TDRD6: variants seen among roughly 807,000 people sequenced by gnomAD.
TDRD6 encodes the protein tudor domain containing 6.
TDRD6 carries 186 observed loss-of-function variants against 157.5 expected under a neutral mutation model. The ratio of observed to expected loss-of-function variants is 1.18; its 90% CI spans 1.05 to 1.33. The LOEUF (loss-of-function observed/expected upper bound fraction) is 1.33, where lower values mean the gene tolerates loss of function less well. Ranked by LOEUF, TDRD6 falls within the 40% of genes most tolerant of loss-of-function variation. The probability of loss-of-function intolerance (pLI) is 0.00; values close to 1 mark genes in which losing one functional copy is unlikely to be tolerated. For missense variants in TDRD6, 3,066 were observed against 2,508.0 expected (o/e 1.22, Z -4.75); for synonymous variants, 1,075 against 945.2 (o/e 1.14, Z -2.52).
Position 46,692,125 on chromosome 6 carries a change from C to T in TDRD6, c.3997C>T (p.His1333Tyr), listed in dbSNP as rs1292968265. 6.2e-7 allele frequency: 1 copy of T among 1,613,426 alleles called. No individual in the cohort carries two copies. Among genetic ancestry groups the T allele is most frequent in the East Asian group, 2.2e-5 (1 of 44,854 alleles). Residue 1333 changes from histidine (H) to tyrosine (Y), a missense_variant, in exon 1 of 4, where the codon CAT becomes TAT. By Grantham distance (83) the His-to-Tyr change is moderately conservative. Coordinates refer to ENST00000316081, the MANE Select transcript of TDRD6 (RefSeq NM_001010870.3). ...QLIEDEAEIS[H>Y]LSERLNSVKT... ...AATAGAAGATGAAGCTGAAATTAGT[C>T]ATCTTTCAGAGAGATTAAACAGTGT...
Position 46,690,519 on chromosome 6 carries a change from A to G in TDRD6, c.2391A>G (p.Gly797=), listed in dbSNP as rs138848441. The G allele has an allele frequency of 2.5e-6, 4 of 1,614,184 alleles. No individual in the cohort carries two copies. The highest frequency in any genetic ancestry group is 4.5e-5 in the East Asian group (2 of 44,876). The change falls in exon 1 of 4, where the codon GGA becomes GGG. Residue 797 remains glycine (G), a synonymous_variant. Coordinates refer to ENST00000316081, the MANE Select transcript of TDRD6 (RefSeq NM_001010870.3). ...FWCQLTRNIQ[G]LKTLMSDIQY... Reference sequence around the variant, plus strand: ...GTCAGCTGACCAGGAACATACAAGGACTTAAAACTCTAATGTCTGATATTC... The same window carrying G: ...GTCAGCTGACCAGGAACATACAAGGGCTTAAAACTCTAATGTCTGATATTC...
chr6:46,701,762 G>A (rs1483181699), intron 3 of TDRD6, 96 bp from the exon 4 acceptor site: 20 of 1,221,804 alleles, frequency 1.6e-5, no homozygotes, highest in Non-Finnish European at 2.3e-5. Context: ...CTCCCTTTTA[G>A]AGAACATTAC....
chr6:46,687,940 G>C lies in TDRD6; in HGVS notation c.-189G>C. 2 of 892,466 alleles carry C rather than the reference G, an allele frequency of 2.2e-6. No homozygotes were observed. The highest frequency in any genetic ancestry group is 3.3e-5 in the East Asian group (1 of 30,274). 55.3% of individuals were successfully genotyped at this position (892,466 alleles called of 1,614,324 possible). A position where few individuals can be genotyped will look rare whatever the true frequency, so the allele number is the denominator to read the frequency against. On this transcript the variant is annotated 5_prime_UTR_variant, in exon 1 of 4. Transcript: ENST00000316081. ...AGGGGCTACCGGGTCTTACCAGTCC[G>C]TGGCGGGAGTCCCGGAGGACCCTCG...
rs766591313 is a variant in TDRD6, at chr6:46,689,407, G to A, written c.1279G>A (p.Asp427Asn). 19 of 1,613,708 alleles carry A rather than the reference G, an allele frequency of 1.2e-5. No homozygotes were observed. The highest frequency in any genetic ancestry group is 1.5e-5 in the Non-Finnish European group (18 of 1,180,026). ...HVYYVSLYGE[D>N]GINLNRVFGV... ...GTATTATGTCAGCCTGTATGGAGAAGATGGGATTAATCTGAACCGTGTGTT... is the reference window on the plus strand; with the variant it reads ...GTATTATGTCAGCCTGTATGGAGAAAATGGGATTAATCTGAACCGTGTGTT... Residue 427 changes from aspartate (D) to asparagine (N), a missense_variant, in exon 1 of 4, where the codon GAT becomes AAT. Transcript: ENST00000316081.
In TDRD6 at chr6:46,689,611, TTTG is replaced by T. The variant is rs749013733; in HGVS notation, c.1486_1488del (p.Val496del). ...TGCCTTCTACGATGCGCAGGTAGAGTTTGTTAAAAATCCTTCTGAGTTTTGGAT... is the reference window on the plus strand; with the variant it reads ...TGCCTTCTACGATGCGCAGGTAGAGTTTAAAAATCCTTCTGAGTTTTGGAT... On this transcript the variant is annotated inframe_deletion, in exon 1 of 4. Coordinates refer to ENST00000316081, the MANE Select transcript of TDRD6 (RefSeq NM_001010870.3). The T allele has an allele frequency of 3.7e-6, 6 of 1,613,808 alleles. No homozygotes were observed. Among genetic ancestry groups the T allele is most frequent in the Non-Finnish European group, 5.1e-6 (6 of 1,179,988 alleles).
chr6:46,687,895 G>A lies in TDRD6; in HGVS notation c.-234G>A, dbSNP rs1276553544. On this transcript the variant is annotated 5_prime_UTR_variant, in exon 1 of 4. Coordinates refer to ENST00000316081, the MANE Select transcript of TDRD6 (RefSeq NM_001010870.3). ...GAGTGAGGTAAATGCGTGCCCGGAA[G>A]CGCGACCTCGGGCGGTTGGAGGGGC... The A allele has an allele frequency of 9.1e-6, 5 of 550,962 alleles. No individual in the cohort carries two copies. Among genetic ancestry groups the A allele is most frequent in the African/African-American group, 4.0e-5 (2 of 49,660 alleles). The allele number at this position is 550,962 out of a possible 1,614,324, so 34.1% of individuals were successfully genotyped here. A position where few individuals can be genotyped will look rare whatever the true frequency, so the allele number is the denominator to read the frequency against.
At position 46,693,382 on chromosome 6, in the gene TDRD6, G is replaced by T; in HGVS notation, c.5254G>T (p.Glu1752Ter). 6.2e-7 allele frequency: 1 copy of T among 1,612,468 alleles called. No homozygotes were observed. The highest frequency in any genetic ancestry group is 8.5e-7 in the Non-Finnish European group (1 of 1,179,648). ...GGAACAACAGACAGATGAGCTTGCT[G>T]AAATAACTGAAAAAGATGTAAACAT... ...YMEQQTDELA[E>*]ITEKDVNIIG... is the part of the protein sequence containing the mutation. Residue 1752 changes from glutamate (E) to a stop codon, truncating the protein, a stop_gained, in exon 1 of 4, where the codon GAA (glutamate) becomes TAA (stop). Coordinates refer to ENST00000316081, the MANE Select transcript of TDRD6 (RefSeq NM_001010870.3). LOFTEE classifies it high-confidence loss of function.
At chr6:46,701,241 C>G (rs1276349775) in intron 3 of TDRD6, among the ~76,000 whole-genome samples, 1 of 151,696 alleles carries the variant, frequency 6.6e-6, no homozygotes, top group African/African-American at 2.4e-5. Flanking sequence ...GATAAATAAC[C>G]CAAGATGAGG....
At chr6:46,695,759 G>T in intron 1 of TDRD6, 62 bp from the exon 2 acceptor site, 2 of 1,533,386 alleles carry the variant, frequency 1.3e-6, no homozygotes, top group Non-Finnish European at 1.8e-6. Flanking sequence ...TGCTTTGCTT[G>T]TGTATGTTAC....
Position 46,693,175 on chromosome 6 carries a change from G to T in TDRD6, c.5047G>T (p.Asp1683Tyr). ...TTGTGATATCCCTTTAGCAATTGTT[G>T]ACTTGAAAAGCAAAGGTAAAAGTAT... ...DVCDIPLAIV[D>Y]LKSKGKSINE... is the part of the protein sequence containing the mutation. The change falls in exon 1 of 4, where the codon GAC (aspartate) becomes TAC (tyrosine). Residue 1683 changes from aspartate (D) to tyrosine (Y), a missense_variant. Physicochemically the swap from Asp to Tyr is radical, Grantham distance 160. Transcript: ENST00000316081. 1 of 1,608,722 alleles carries T rather than the reference G, an allele frequency of 6.2e-7. No individual in the cohort carries two copies. Among genetic ancestry groups the T allele is most frequent in the South Asian group, 1.1e-5 (1 of 90,182 alleles).
In TDRD6 at chr6:46,688,746, T is replaced by G. The variant is rs774401993; in HGVS notation, c.618T>G (p.Arg206=). The change falls in exon 1 of 4, where the codon CGT becomes CGG. Residue 206 remains arginine (R), a synonymous_variant. Transcript: ENST00000316081. ...LARRVPDSLF[R]SLLERYLTAA... ...GGCGGGTGCCCGACAGCCTCTTCCG[T>G]TCGCTGCTGGAGCGCTATCTCACAG... 4.4e-6 allele frequency: 7 copies of G among 1,601,862 alleles called. No homozygotes were observed. The South Asian group carries it at 7.7e-5, about 18-fold the overall frequency.
chr6:46,689,482 A>G lies in TDRD6; in HGVS notation c.1354A>G (p.Thr452Ala), dbSNP rs776690299. ...LADRVLQSQA[T>A]EEEEPETSQS... The stretch of plus-strand genomic sequence containing the variant: ...TGACCGAGTCCTTCAGAGCCAGGCA[A>G]CAGAGGAGGAGGAACCAGAAACATC... Residue 452 changes from threonine (T) to alanine (A), a missense_variant, in exon 1 of 4, where the codon ACA becomes GCA. Coordinates refer to ENST00000316081, the MANE Select transcript of TDRD6 (RefSeq NM_001010870.3). The G allele has an allele frequency of 8.1e-6, 13 of 1,613,644 alleles. No individual in the cohort carries two copies. In the Admixed American group the frequency reaches 1.3e-4, roughly 17 times the overall value.
chr6:46,697,911 A>G (rs1040233034), intron 2 of TDRD6, 87 bp from the exon 3 acceptor site: 1 of 666,996 alleles, frequency 1.5e-6, no homozygotes, highest in Admixed American at 2.5e-5. Flanking sequence ...TAATAATAGT[A>G]TTTCATTTTT....
At chr6:46,686,833 A>G (rs566601170), upstream of TDRD6, among the ~76,000 whole-genome samples, 2 of 152,318 alleles carry the variant, frequency 1.3e-5, no homozygotes, top group African/African-American at 4.8e-5. Flanking sequence ...GTTGCCACAC[A>G]ATGTGAAAAG....
chr6:46,701,783 G>A, intron 3 of TDRD6, 75 bp from the exon 4 acceptor site: 1 of 1,473,640 alleles, frequency 6.8e-7, no homozygotes, highest in South Asian at 1.1e-5. Flanking sequence ...ATTTGTCATG[G>A]TAACACCCAT....
chr6:46,697,086 GT>G (rs1186498761), intron 2 of TDRD6, among the ~76,000 whole-genome samples: 1 of 152,084 alleles, frequency 6.6e-6, no homozygotes, highest in Non-Finnish European at 1.5e-5. Flanking sequence ...AGGGTTAAGT[GT>G]TTATGTACTC....
the TDRD6 span, among the ~76,000 whole-genome samples, chr6:46,680,359 T>C: frequency 6.6e-6 from 1 of 151,660 alleles, no homozygotes; most frequent in Non-Finnish European, 1.5e-5. Flanking sequence ...GCTGAAGTGA[T>C]TGAACTCTAG....
Position 46,688,645 on chromosome 6 carries a change from G to C in TDRD6, c.517G>C (p.Val173Leu), listed in dbSNP as rs148501632. ...GKEVHGCVLD[V>L]LLLHRLVLLE... is the part of the protein sequence containing the mutation. ...GGAGGTGCACGGGTGCGTCCTGGAC[G>C]TGCTGCTGCTCCATCGCCTGGTCCT... The change falls in exon 1 of 4, where the codon GTG (valine) becomes CTG (leucine). Residue 173 changes from valine to leucine, a missense_variant. By Grantham distance (32) the Val-to-Leu change is conservative. Coordinates refer to ENST00000316081, the MANE Select transcript of TDRD6 (RefSeq NM_001010870.3). The C allele has an allele frequency of 6.3e-7, 1 of 1,599,270 alleles. No homozygotes were observed. The highest frequency in any genetic ancestry group is 8.5e-7 in the Non-Finnish European group (1 of 1,179,868).
Position 46,689,962 on chromosome 6 carries a change from TG to T in TDRD6, c.1836del (p.Trp612Ter), listed in dbSNP as rs1281666271. 3 of 1,613,850 alleles carry T rather than the reference TG, an allele frequency of 1.9e-6. No homozygotes were observed. In the African/African-American group the frequency reaches 4.0e-5, roughly 22 times the overall value. On this transcript the variant is annotated frameshift_variant, in exon 1 of 4. Transcript: ENST00000316081. LOFTEE classifies it high-confidence loss of function. The stretch of plus-strand genomic sequence containing the variant: ...TGATATTTGGCCTTTGGGAAAAACT[TG>T]GAGCCAGGAGGCAGTTTCCTTTTTT... Reference protein sequence around the residue: ...LADIWPLGKTWSQEAVSFFKK... With the variant: ...LADIWPLGKTXSQEAVSFFKK...
Sources: gnomAD v4.1 joint callset for allele counts (sites outside exome capture counted in the v4.1 genomes callset) on GRCh38, gnomAD v4.1.1 for gene constraint, MANE v1.5 for transcripts, NCBI Gene and HGNC (gene_info 2026-07-23, HGNC 2026-07-21) for gene names.